Variants in ZNF385D observed in about 807,000 individuals in gnomAD.
The protein encoded by ZNF385D is zinc finger protein 385D.
In ZNF385D, 15 loss-of-function variants were observed where a neutral mutation model predicts 35.8. The ratio of observed to expected loss-of-function variants is 0.42; its 90% confidence interval spans 0.28 to 0.64. ZNF385D has a LOEUF of 0.64. Ranked by LOEUF, ZNF385D falls within the 30% of genes least tolerant of loss-of-function variation. ZNF385D has a pLI of 0.23. For synonymous variants in ZNF385D, 212 were observed against 186.8 expected (o/e 1.13, Z -1.10); for missense variants, 474 against 494.6 (o/e 0.96, Z 0.39).
chr3:21,943,777 A>C (rs1206978217), intron 3 of ZNF385D, among the ~76,000 whole-genome samples: 7 of 152,192 alleles, frequency 4.6e-5, no homozygotes, highest in African/African-American at 1.4e-4. Context: ...CTACATGAAC[A>C]GTAATTTAGT....
chr3:21,892,327 A>G (rs1698911222), intron 3 of ZNF385D, among the ~76,000 whole-genome samples: 1 of 152,206 alleles, frequency 6.6e-6, no homozygotes, highest in African/African-American at 2.4e-5. Flanking sequence ...GAAACCTAGA[A>G]GGAGAAATAA....
rs541923456 is a variant in ZNF385D at position 21,988,828 on chromosome 3, G to C, written c.325+179989C>G. Among the ~76,000 whole-genome samples the C allele has an allele frequency of 9.9e-5, 15 of 152,278 alleles. No homozygotes were observed. The South Asian group carries it at 3.1e-3, about 32-fold the overall frequency. On this transcript the variant is annotated intron_variant, in intron 3 of 5. Coordinates refer to the ZNF385D transcript ENST00000494108. The stretch of plus-strand genomic sequence containing the variant: ...GTGCTAGCAATCAGCGAGACTCCGT[G>C]GGCGTAGGACCCTCCGAGCCAGGTG...
intron 2 of ZNF385D, among the ~76,000 whole-genome samples, chr3:22,187,168 T>G (rs1013939102): frequency 6.6e-6 from 1 of 152,184 alleles, no homozygotes; most frequent in Admixed American, 6.6e-5. Flanking sequence ...CATTCTTCAC[T>G]AATATTTCTT....
At chr3:21,643,127 A>G (rs182239695) in intron 2 of ZNF385D, among the ~76,000 whole-genome samples, 3 of 152,262 alleles carry the variant, frequency 2.0e-5, no homozygotes, top group Admixed American at 6.5e-5. Context: ...AAAAAAATGT[A>G]TTTTAAAAAG....
At chr3:21,914,925 TAA>T (rs200010454) in intron 3 of ZNF385D, among the ~76,000 whole-genome samples, 2 of 137,738 alleles carry the variant, frequency 1.5e-5, no homozygotes, top group Admixed American at 7.2e-5. Flanking sequence ...AAAAATTCAG[TAA>T]AAAAAAAAAA....
intron 3 of ZNF385D, among the ~76,000 whole-genome samples, chr3:22,135,229 G>A (rs1704035396): frequency 6.6e-6 from 1 of 151,978 alleles, no homozygotes; most frequent in Non-Finnish European, 1.5e-5. Flanking sequence ...TTCAAAATTT[G>A]CAAAGAATGT....
intron 3 of ZNF385D, among the ~76,000 whole-genome samples, chr3:22,031,066 C>G (rs1649191369): frequency 6.6e-6 from 1 of 152,218 alleles, no homozygotes; most frequent in Non-Finnish European, 1.5e-5. Flanking sequence ...AAGGGGTGGG[C>G]TCTCAATGCT....
intron 3 of ZNF385D, among the ~76,000 whole-genome samples, chr3:21,858,402 C>T (rs1696855374): frequency 1.3e-5 from 2 of 151,698 alleles, no homozygotes; most frequent in East Asian, 1.9e-4. Flanking sequence ...CCCCCCTACC[C>T]CCAGATTCAC....
intron 2 of ZNF385D, among the ~76,000 whole-genome samples, chr3:22,335,965 A>G (rs1010817282): frequency 2.0e-5 from 3 of 152,098 alleles, no homozygotes; most frequent in Non-Finnish European, 4.4e-5. Flanking sequence ...GTGTTGTCTG[A>G]ATTTTCAAAA....
At chr3:22,363,836 G>T (rs1248086261) in intron 2 of ZNF385D, among the ~76,000 whole-genome samples, 1 of 151,960 alleles carries the variant, frequency 6.6e-6, no homozygotes, top group South Asian at 2.1e-4. Context: ...ACAGAGTACT[G>T]CATAGATCAC....
intron 4 of ZNF385D, among the ~76,000 whole-genome samples, chr3:21,470,756 T>C (rs1169238677): frequency 6.6e-6 from 1 of 152,102 alleles, no homozygotes; most frequent in East Asian, 1.9e-4. Flanking sequence ...AGGCAAAATA[T>C]ACATATATTT....
intron 2 of ZNF385D, among the ~76,000 whole-genome samples, chr3:22,363,182 T>TACC (rs748998054): frequency 1.9e-3 from 72 of 38,022 alleles, no homozygotes; most frequent in Non-Finnish European, 3.3e-3. Flanking sequence ...TGCCCACTAC[T>TACC]GCCACCTTAG....
intron 2 of ZNF385D, among the ~76,000 whole-genome samples, chr3:22,320,843 A>G (rs560730774): frequency 1.8e-4 from 28 of 152,004 alleles, no homozygotes; most frequent in African/African-American, 6.7e-4. Context: ...TCAACATTTA[A>G]TATTTCATTA....
chr3:21,435,813 T>G (rs759141011), intron 5 of ZNF385D, among the ~76,000 whole-genome samples: 6 of 152,202 alleles, frequency 3.9e-5, no homozygotes, highest in African/African-American at 7.2e-5. Flanking sequence ...GGTACTTTTC[T>G]GTGTTTCTTA....
chr3:21,982,211 G>A (rs1315952796), intron 3 of ZNF385D, among the ~76,000 whole-genome samples: 1 of 151,644 alleles, frequency 6.6e-6, no homozygotes, highest in Admixed American at 6.6e-5. Flanking sequence ...ATGAGCGTGG[G>A]ATTTTTCTTC....
At chr3:21,674,509 A>T (rs1575439174) in intron 1 of ZNF385D, among the ~76,000 whole-genome samples, 1 of 152,226 alleles carries the variant, frequency 6.6e-6, no homozygotes, top group Admixed American at 6.6e-5. Flanking sequence ...GTGAATCATA[A>T]AATGTAAATT....
chr3:21,596,640 CTTT>C (rs34205074), intron 2 of ZNF385D, among the ~76,000 whole-genome samples: 6 of 134,318 alleles, frequency 4.5e-5, no homozygotes, highest in Non-Finnish European at 6.4e-5. Context: ...TCATGCTTGA[CTTT>C]TTTTTTTTTT....
At position 22,243,847 on chromosome 3, in the gene ZNF385D, G is replaced by A. The variant is rs528068266; in HGVS notation, c.107-74812C>T. Among the ~76,000 whole-genome samples the A allele has an allele frequency of 1.2e-3, 176 of 150,888 alleles. 3 individuals carry two copies. Among genetic ancestry groups the A allele is most frequent in the South Asian group, 2.2e-3 (10 of 4,580 alleles). On this transcript the variant is annotated intron_variant, in intron 2 of 5. Coordinates refer to the ZNF385D transcript ENST00000494108. ...CCAGATATGTCAAGGGTGGAGCTCA[G>A]CACTCCATCCAAAGTGGTATTCAAT...
At chr3:21,427,787 G>A (rs141003906) in intron 5 of ZNF385D, among the ~76,000 whole-genome samples, 5 of 152,174 alleles carry the variant, frequency 3.3e-5, no homozygotes, top group Non-Finnish European at 7.4e-5. Context: ...TGGGTTGTTC[G>A]AATTATTATT....
Sources: allele counts gnomAD v4.1 joint callset (sites outside exome capture counted in the v4.1 genomes callset), GRCh38; gene constraint gnomAD v4.1.1; transcripts MANE v1.5; gene names NCBI Gene and HGNC (gene_info 2026-07-23, HGNC 2026-07-21).